The following ZNF804A variants were observed in gnomAD, a reference collection of about 807,000 sequenced individuals.
ZNF804A encodes the protein zinc finger protein 804A.
ZNF804A carries 2 observed loss-of-function variants against 16.5 expected under a neutral mutation model. The ratio of observed to expected loss-of-function variants is 0.12; its 90% confidence interval spans 0.05 to 0.38. The LOEUF (loss-of-function observed/expected upper bound fraction) is 0.38. ZNF804A is among the 10% of genes least tolerant of loss of function. The pLI is 0.99. For missense variants in ZNF804A, 1,473 were observed against 1,390.7 expected (o/e 1.06, Z -0.94); for synonymous variants, 534 against 489.6 (o/e 1.09, Z -1.20).
chr2:184,786,531 T>C (rs1036634696), intron 1 of ZNF804A, among the ~76,000 whole-genome samples: 4 of 152,014 alleles, frequency 2.6e-5, no homozygotes, highest in African/African-American at 4.8e-5. Context: ...TAAAAATCTG[T>C]TTAATTTAGT....
chr2:184,754,351 G>T (rs1693925585), intron 1 of ZNF804A, among the ~76,000 whole-genome samples: 1 of 151,750 alleles, frequency 6.6e-6, no homozygotes, highest in South Asian at 2.1e-4. Context: ...AATAACAATT[G>T]GTAAATAGAT....
At chr2:184,741,684 G>C (rs1693710811) in intron 1 of ZNF804A, among the ~76,000 whole-genome samples, 1 of 152,108 alleles carries the variant, frequency 6.6e-6, no homozygotes, top group Non-Finnish European at 1.5e-5. Flanking sequence ...CACTGCTGAA[G>C]TTCTAAATGC....
At position 184,936,498 on chromosome 2, in the gene ZNF804A, G is replaced by T; in HGVS notation, c.1102G>T (p.Asp368Tyr). ...NKSTVLDMSN[D>Y]CISVQATTEE... ...ATCCACAGTTCTTGACATGTCTAATGATTGCATATCTGTGCAAGCTACCAC... is the reference window on the plus strand; with the variant it reads ...ATCCACAGTTCTTGACATGTCTAATTATTGCATATCTGTGCAAGCTACCAC... The change falls in exon 4 of 4, where the codon GAT becomes TAT. Residue 368 changes from aspartate to tyrosine, a missense_variant. Transcript: ENST00000302277. 6.2e-7 allele frequency: 1 copy of T among 1,613,902 alleles called. No homozygotes were observed. Among genetic ancestry groups the T allele is most frequent in the South Asian group, 1.1e-5 (1 of 91,068 alleles).
chr2:184,624,747 A>G (rs1691470956), intron 1 of ZNF804A, among the ~76,000 whole-genome samples: 1 of 152,116 alleles, frequency 6.6e-6, no homozygotes, highest in Non-Finnish European at 1.5e-5. Flanking sequence ...TGATTATGCA[A>G]CATTCTTGGT....
rs141247906 is a variant in ZNF804A at position 184,863,268 on chromosome 2, C to A, written c.112-3101C>A. Among the ~76,000 whole-genome samples, 1,006 of 152,140 alleles carry A rather than the reference C, an allele frequency of 6.6e-3. 4 individuals carry two copies. The highest frequency in any genetic ancestry group is 0.01 in the Non-Finnish European group (698 of 67,954). ...TTATATCCTGGAGCTACTTAACTTT[C>A]CTGTGCTTCATTATTTCCATCTGTA... On this transcript the variant is annotated intron_variant, in intron 1 of 3. Coordinates refer to ENST00000302277, the MANE Select transcript of ZNF804A (RefSeq NM_194250.2).
At chr2:184,906,269 T>G (rs915461997) in intron 2 of ZNF804A, among the ~76,000 whole-genome samples, 3 of 152,140 alleles carry the variant, frequency 2.0e-5, no homozygotes, top group Admixed American at 6.6e-5. Flanking sequence ...TTTCTATCCT[T>G]ATAAGAAATG....
chr2:184,931,959 G>A (rs545893567), intron 2 of ZNF804A, among the ~76,000 whole-genome samples: 320 of 152,168 alleles, frequency 2.1e-3, no homozygotes, highest in Non-Finnish European at 3.9e-3. Context: ...CTAGGGCAGG[G>A]GCAAAATGTC....
chr2:184,616,484 AT>A (rs1293814937), intron 1 of ZNF804A, among the ~76,000 whole-genome samples: 1 of 152,172 alleles, frequency 6.6e-6, no homozygotes, highest in East Asian at 1.9e-4. Flanking sequence ...AGTGTCTGGC[AT>A]ATAATAAAAG....
intron 1 of ZNF804A, among the ~76,000 whole-genome samples, chr2:184,747,806 C>T (rs566586183): frequency 6.6e-6 from 1 of 151,224 alleles, no homozygotes; most frequent in South Asian, 2.1e-4. Context: ...ACTCATTCCT[C>T]TCTCCCCCAT....
intron 1 of ZNF804A, among the ~76,000 whole-genome samples, chr2:184,765,325 CGTCTTATGCCCAA>C (rs1315293552): frequency 3.3e-5 from 5 of 152,044 alleles, no homozygotes; most frequent in Non-Finnish European, 7.4e-5. Context: ...CCCCTCCTGT[CGTCTTATGCCCAA>C]TTTCTGCCTC....
intron 1 of ZNF804A, among the ~76,000 whole-genome samples, chr2:184,840,383 C>T (rs1179312737): frequency 6.7e-6 from 1 of 150,158 alleles, no homozygotes; most frequent in Non-Finnish European, 1.5e-5. Context: ...GACTCTGTCT[C>T]AAAACAAAAA....
chr2:184,741,038 G>A (rs868006461), intron 1 of ZNF804A, among the ~76,000 whole-genome samples: 10 of 152,128 alleles, frequency 6.6e-5, no homozygotes, highest in African/African-American at 2.2e-4. Context: ...AATTTAGGGA[G>A]TAATCTGCAA....
intron 1 of ZNF804A, among the ~76,000 whole-genome samples, chr2:184,656,307 G>A (rs1234573707): frequency 6.6e-6 from 1 of 152,106 alleles, no homozygotes; most frequent in African/African-American, 2.4e-5. Flanking sequence ...CATTTGTAAA[G>A]TAATACTTTC....
chr2:184,749,942 C>G (rs1419081805), intron 1 of ZNF804A, among the ~76,000 whole-genome samples: 2 of 151,124 alleles, frequency 1.3e-5, no homozygotes, highest in Non-Finnish European at 3.0e-5. Flanking sequence ...TTACTGCTGT[C>G]AGAACATTTT....
At position 184,706,012 on chromosome 2, in the gene ZNF804A, T is replaced by C. The variant is rs181020917; in HGVS notation, c.111+106942T>C. On this transcript the variant is annotated intron_variant, in intron 1 of 3. Transcript: ENST00000302277. ...AACCCTTTGCTGCTGAGGTCACCTT[T>C]TGGTGACTATTCACATGGGACACAA... Among the ~76,000 whole-genome samples, 220 of 152,300 alleles carry C rather than the reference T, an allele frequency of 1.4e-3. 1 individual carries two copies. The highest frequency in any genetic ancestry group is 4.8e-3 in the African/African-American group (199 of 41,568).
At chr2:184,859,686 C>T (rs192182112) in intron 1 of ZNF804A, among the ~76,000 whole-genome samples, 86 of 152,204 alleles carry the variant, frequency 5.7e-4, no homozygotes, top group Admixed American at 4.8e-3. Context: ...TATTGCCTTA[C>T]GTTGATGTGT....
At chr2:184,935,575 A>C (rs191059443) in intron 3 of ZNF804A, among the ~76,000 whole-genome samples, 9 of 152,342 alleles carry the variant, frequency 5.9e-5, no homozygotes, top group African/African-American at 2.2e-4. Context: ...CTTCAGGACA[A>C]TATTTCCAAG....
intron 1 of ZNF804A, among the ~76,000 whole-genome samples, chr2:184,753,463 T>C (rs1173954443): frequency 6.6e-6 from 1 of 151,684 alleles, no homozygotes; most frequent in Non-Finnish European, 1.5e-5. Flanking sequence ...AAAATGCCTC[T>C]CTGATCAATG....
In ZNF804A at chr2:184,916,087, T is replaced by G. The variant is rs75216366; in HGVS notation, c.256-17516T>G. Among the ~76,000 whole-genome samples, 497 of 152,300 alleles carry G rather than the reference T, an allele frequency of 3.3e-3. 2 individuals are homozygous for G. The highest frequency in any genetic ancestry group is 0.011 in the African/African-American group (476 of 41,574). On this transcript the variant is annotated intron_variant, in intron 2 of 3. Coordinates refer to ENST00000302277, the MANE Select transcript of ZNF804A (RefSeq NM_194250.2). ...AGAGTTGGTGATTGAGTTGTAATTC[T>G]TTCATGGTATTACTTCTCTACAAGG...
Sources: gnomAD v4.1 joint callset for allele counts (sites outside exome capture counted in the v4.1 genomes callset) on GRCh38, gnomAD v4.1.1 for gene constraint, MANE v1.5 for transcripts, NCBI Gene and HGNC (gene_info 2026-07-23, HGNC 2026-07-21) for gene names.